The following KCNK2 variants were observed in gnomAD, a reference collection of about 807,000 sequenced individuals.
KCNK2 encodes the protein potassium channel subfamily K member 2.
A neutral mutation model predicts 40.5 loss-of-function variants in KCNK2; 21 were observed. The observed-to-expected ratio is 0.52, with a 90% confidence interval of 0.37 to 0.75. The LOEUF is 0.75. Ranked by LOEUF, KCNK2 falls within the 30% of genes least tolerant of loss-of-function variation. KCNK2 has a pLI of 0.00. For synonymous variants in KCNK2, 191 were observed against 202.2 expected (o/e 0.94, Z 0.47); for missense variants, 399 against 531.6 (o/e 0.75, Z 2.45).
chr1:215,059,316 G>A (rs1195496287), intron 1 of KCNK2, among the ~76,000 whole-genome samples: 4 of 152,030 alleles, frequency 2.6e-5, no homozygotes, highest in Non-Finnish European at 5.9e-5. Context: ...GAACGCTGCT[G>A]AATTAATGAT....
intron 3 of KCNK2, among the ~76,000 whole-genome samples, chr1:215,132,332 A>C (rs1047161559): frequency 6.6e-6 from 1 of 152,218 alleles, no homozygotes; most frequent in Non-Finnish European, 1.5e-5. Context: ...GGATGTCGTC[A>C]TTGTAGCTCT....
chr1:215,226,187 T>C (rs1666377105), intron 6 of KCNK2, among the ~76,000 whole-genome samples: 1 of 152,242 alleles, frequency 6.6e-6, no homozygotes, highest in Non-Finnish European at 1.5e-5. Flanking sequence ...TCTAGGCCTC[T>C]GTAATCATGA....
At chr1:215,232,974 G>C (rs935512068) in intron 6 of KCNK2, among the ~76,000 whole-genome samples, 1 of 152,216 alleles carries the variant, frequency 6.6e-6, no homozygotes, top group Non-Finnish European at 1.5e-5. Flanking sequence ...AGCCAAATCC[G>C]AATGACTGGG....
chr1:215,011,704 C>T (rs1377006816), intron 1 of KCNK2, among the ~76,000 whole-genome samples: 1 of 152,004 alleles, frequency 6.6e-6, no homozygotes, highest in Non-Finnish European at 1.5e-5. Flanking sequence ...CTCCTGGGTT[C>T]AAGTGATTCT....
At chr1:215,072,965 G>A (rs964129582) in intron 1 of KCNK2, among the ~76,000 whole-genome samples, 12 of 152,126 alleles carry the variant, frequency 7.9e-5, no homozygotes. Context: ...GGTCTTTACA[G>A]AGGTAATGAA....
chr1:215,192,069 G>C (rs778402140), intron 5 of KCNK2, among the ~76,000 whole-genome samples: 1 of 152,048 alleles, frequency 6.6e-6, no homozygotes, highest in African/African-American at 2.4e-5. Context: ...TTTTTAAAAG[G>C]TATTTCCTAA....
intron 1 of KCNK2, among the ~76,000 whole-genome samples, chr1:215,018,996 C>A (rs1294827924): frequency 1.3e-4 from 7 of 55,748 alleles, no homozygotes; most frequent in Admixed American, 2.0e-4. Context: ...CACACACACA[C>A]ACAAAAAAAA....
In KCNK2 at chr1:215,010,867, T is replaced by TG. The variant is rs1259361328; in HGVS notation, c.34+4912_34+4913insG. Among the ~76,000 whole-genome samples, 30 of 134,114 alleles carry TG rather than the reference T, an allele frequency of 2.2e-4. No homozygotes were observed. The East Asian group carries it at 2.6e-3, about 11-fold the overall frequency. 88.0% of individuals were successfully genotyped at this position (134,114 alleles called of 152,430 possible). A position where few individuals can be genotyped will look rare whatever the true frequency, so the allele number is the denominator to read the frequency against. On this transcript the variant is annotated intron_variant, in intron 1 of 6. Transcript: ENST00000391895. The stretch of plus-strand genomic sequence containing the variant: ...AGGACACAGATTTTTTTTTTTTTTT[T>TG]TTGTGTGTGTGTGTGTGTGTGTGTG...
chr1:215,086,994 T>C (rs561395133), intron 2 of KCNK2, among the ~76,000 whole-genome samples: 1 of 152,362 alleles, frequency 6.6e-6, no homozygotes, highest in African/African-American at 2.4e-5. Flanking sequence ...CTTTGCCCTG[T>C]CTTAGAAGTG....
At chr1:215,186,157 G>A (rs1347994399) in intron 5 of KCNK2, among the ~76,000 whole-genome samples, 4 of 152,110 alleles carry the variant, frequency 2.6e-5, no homozygotes, top group African/African-American at 9.7e-5. Flanking sequence ...GTGGCAAAAT[G>A]GCAGCACTTG....
intron 5 of KCNK2, 147 bp from the exon 6 acceptor site, chr1:215,194,806 A>G (rs981677411): frequency 5.3e-6 from 3 of 571,282 alleles, no homozygotes; most frequent in African/African-American, 1.9e-5. Context: ...AGAAATTCAA[A>G]ATGAAGAAAA....
At chr1:215,160,392 A>G (rs1010770321) in intron 3 of KCNK2, among the ~76,000 whole-genome samples, 2 of 152,200 alleles carry the variant, frequency 1.3e-5, no homozygotes, top group Non-Finnish European at 2.9e-5. Context: ...TCTGTGTACA[A>G]TTATAACTTT....
intron 3 of KCNK2, among the ~76,000 whole-genome samples, chr1:215,143,197 C>T (rs1662263359): frequency 1.3e-5 from 2 of 151,928 alleles, no homozygotes. Flanking sequence ...TCTATTTGTG[C>T]ATGTGCTATG....
chr1:215,035,278 TAA>T (rs1318430645), intron 1 of KCNK2, among the ~76,000 whole-genome samples: 2 of 152,134 alleles, frequency 1.3e-5, no homozygotes, highest in Admixed American at 6.5e-5. Context: ...TTAATTTTTA[TAA>T]GTTTGCAGAG....
chr1:215,064,325 TTTTG>T (rs1658463053), intron 1 of KCNK2, among the ~76,000 whole-genome samples: 1 of 151,792 alleles, frequency 6.6e-6, no homozygotes, highest in African/African-American at 2.4e-5. Flanking sequence ...GTGTACGTGT[TTTTG>T]TTTGTGTGTG....
chr1:215,038,643 C>T (rs1473497666), intron 1 of KCNK2, among the ~76,000 whole-genome samples: 1 of 152,006 alleles, frequency 6.6e-6, no homozygotes. Context: ...AAAAACAGAA[C>T]CAATGGATTA....
chr1:215,061,844 G>A (rs1444336908), intron 1 of KCNK2, among the ~76,000 whole-genome samples: 1 of 151,988 alleles, frequency 6.6e-6, no homozygotes, highest in Non-Finnish European at 1.5e-5. Context: ...CCATGGCTCA[G>A]GATGCTTCTT....
intron 6 of KCNK2, among the ~76,000 whole-genome samples, chr1:215,206,333 G>A (rs1191722849): frequency 1.3e-5 from 2 of 152,002 alleles, no homozygotes; most frequent in Non-Finnish European, 2.9e-5. Context: ...AATTTATTAA[G>A]TTGAACTGTG....
intron 3 of KCNK2, among the ~76,000 whole-genome samples, chr1:215,139,525 T>A (rs1419673945): frequency 6.6e-6 from 1 of 152,214 alleles, no homozygotes; most frequent in Non-Finnish European, 1.5e-5. Flanking sequence ...GGCTCACAGC[T>A]GTAATCCCAA....
Sources: allele counts gnomAD v4.1 joint callset (sites outside exome capture counted in the v4.1 genomes callset), GRCh38; gene constraint gnomAD v4.1.1; transcripts MANE v1.5; gene names NCBI Gene and HGNC (gene_info 2026-07-23, HGNC 2026-07-21).